ITGBL1: variants seen among roughly 807,000 people sequenced by gnomAD.
The protein encoded by ITGBL1 is integrin subunit beta like 1, also known as integrin beta-like protein 1.
In ITGBL1, 51 loss-of-function variants were observed where a neutral mutation model predicts 68.5. That is an observed-to-expected ratio of 0.74 (90% CI 0.59 to 0.94). The LOEUF (loss-of-function observed/expected upper bound fraction) is 0.94. ITGBL1 is among the 40% of genes least tolerant of loss of function. The pLI is 0.00. For missense variants in ITGBL1, 649 were observed against 647.4 expected, an observed-to-expected ratio of 1.00 and a Z score of -0.03; for synonymous variants, 209 against 227.3, an observed-to-expected ratio of 0.92 and a Z score of 0.72.
rs1174542553 is a variant in ITGBL1, at chr13:101,621,673, A to G, written c.1015+23374A>G. 2.0e-5 allele frequency among the ~76,000 whole-genome samples: 3 copies of G among 152,174 alleles called. 1 individual carries two copies. The highest frequency in any genetic ancestry group is 4.4e-5 in the Non-Finnish European group (3 of 68,034). ...AGACTTTGGAGACAGGAGATTTTTC[A>G]GTCTTAATGCATTGAAATGAAGATA... On this transcript the variant is annotated intron_variant, in intron 7 of 10. Transcript: ENST00000376180.
At chr13:101,572,904 A>T (rs915181241) in intron 3 of ITGBL1, among the ~76,000 whole-genome samples, 1 of 152,084 alleles carries the variant, frequency 6.6e-6, no homozygotes, top group Non-Finnish European at 1.5e-5. Context: ...CATATTATAT[A>T]TGGTTACATG....
intron 2 of ITGBL1, among the ~76,000 whole-genome samples, chr13:101,523,053 C>T (rs1244941969): frequency 6.6e-6 from 1 of 152,122 alleles, no homozygotes; most frequent in Non-Finnish European, 1.5e-5. Context: ...AAAATGCAGA[C>T]AAATGGAAAT....
chr13:101,518,883 T>A (rs35524752), intron 2 of ITGBL1, among the ~76,000 whole-genome samples: 22,913 of 152,140 alleles, frequency 0.15, 2,332 homozygotes, highest in African/African-American at 0.29. Flanking sequence ...TTGAGGAAAC[T>A]GCTCAAATCA....
At chr13:101,555,572 C>T (rs1263066891) in intron 2 of ITGBL1, among the ~76,000 whole-genome samples, 2 of 151,852 alleles carry the variant, frequency 1.3e-5, no homozygotes, top group Non-Finnish European at 2.9e-5. Context: ...GAAGGGGTGG[C>T]GTTTAGGAAT....
chr13:101,624,064 G>T (rs2031686035), intron 7 of ITGBL1, among the ~76,000 whole-genome samples: 1 of 152,288 alleles, frequency 6.6e-6, no homozygotes, highest in Middle Eastern at 3.4e-3. Context: ...AAAGCCACCA[G>T]GATTCCTGGA....
intron 7 of ITGBL1, among the ~76,000 whole-genome samples, chr13:101,616,742 C>T (rs966793713): frequency 6.6e-6 from 1 of 152,168 alleles, no homozygotes; most frequent in Non-Finnish European, 1.5e-5. Context: ...CTACCCACCT[C>T]GACCTCCCAA....
At position 101,572,630 on chromosome 13, in the gene ITGBL1, C is replaced by G. The variant is rs1290140819; in HGVS notation, c.464-2794C>G. On this transcript the variant is annotated intron_variant, in intron 3 of 10. Coordinates refer to ENST00000376180, the MANE Select transcript of ITGBL1 (RefSeq NM_004791.3). ...CAGGAGTCTGGAGCTTTTGCCTGGG[C>G]GTCCATATGCCATGTCTTGGAGGCT... Among the ~76,000 whole-genome samples, 2 of 151,986 alleles carry G rather than the reference C, an allele frequency of 1.3e-5. 1 individual carries two copies. Among genetic ancestry groups the G allele is most frequent in the South Asian group, 4.1e-4 (2 of 4,820 alleles).
intron 7 of ITGBL1, among the ~76,000 whole-genome samples, chr13:101,606,001 TACA>T (rs2030820560): frequency 2.0e-5 from 3 of 146,726 alleles, no homozygotes; most frequent in Admixed American, 1.4e-4. Flanking sequence ...TGTGTATATA[TACA>T]CATATATATG....
At chr13:101,604,877 T>TACAC (rs1298257111) in intron 7 of ITGBL1, among the ~76,000 whole-genome samples, 12 of 21,690 alleles carry the variant, frequency 5.5e-4, no homozygotes, top group Admixed American at 2.1e-3. Flanking sequence ...TATATATATA[T>TACAC]ATATATATAT....
intron 8 of ITGBL1, among the ~76,000 whole-genome samples, chr13:101,693,366 T>C (rs2033925827): frequency 6.6e-6 from 1 of 152,224 alleles, no homozygotes; most frequent in Non-Finnish European, 1.5e-5. Flanking sequence ...GTTTCCAGTA[T>C]AAATGAAGTG....
chr13:101,538,100 A>G (rs141285181), intron 2 of ITGBL1, among the ~76,000 whole-genome samples: 163 of 152,188 alleles, frequency 1.1e-3, no homozygotes, highest in African/African-American at 3.8e-3. Context: ...AATTTCATGT[A>G]TGTAAAACAG....
chr13:101,459,243 G>A (rs1487451867), intron 2 of ITGBL1, among the ~76,000 whole-genome samples: 5 of 152,168 alleles, frequency 3.3e-5, no homozygotes, highest in Non-Finnish European at 1.5e-5. Context: ...TGTCTGAATT[G>A]TTAACGTGGG....
chr13:101,610,228 G>C (rs576691683), intron 7 of ITGBL1, among the ~76,000 whole-genome samples: 1 of 152,222 alleles, frequency 6.6e-6, no homozygotes, highest in Admixed American at 6.5e-5. Flanking sequence ...AGGCAAACCA[G>C]ATACTTTTAT....
chr13:101,506,419 G>A (rs2049027947), intron 2 of ITGBL1, among the ~76,000 whole-genome samples: 1 of 152,130 alleles, frequency 6.6e-6, no homozygotes, highest in Non-Finnish European at 1.5e-5. Context: ...TTAGTAATGG[G>A]GTCTTGATGG....
At chr13:101,593,963 A>G (rs1158031159) in intron 6 of ITGBL1, among the ~76,000 whole-genome samples, 6 of 152,142 alleles carry the variant, frequency 3.9e-5, no homozygotes. Context: ...CATGTGAAAT[A>G]CCCTAATTTG....
intron 2 of ITGBL1, among the ~76,000 whole-genome samples, chr13:101,541,962 C>A (rs917852084): frequency 4.0e-5 from 6 of 151,844 alleles, no homozygotes; most frequent in Admixed American, 1.3e-4. Context: ...CTTTATTAGT[C>A]TTGTTAGCAG....
chr13:101,653,378 T>C (rs1229725528), intron 7 of ITGBL1, among the ~76,000 whole-genome samples: 1 of 152,154 alleles, frequency 6.6e-6, no homozygotes, highest in Non-Finnish European at 1.5e-5. Flanking sequence ...AGATTCATTA[T>C]ATTTAAGAGT....
intron 9 of ITGBL1, among the ~76,000 whole-genome samples, chr13:101,708,373 T>A (rs1442528495): frequency 3.3e-5 from 5 of 152,112 alleles, no homozygotes; most frequent in African/African-American, 7.2e-5. Context: ...GACACACTTT[T>A]TTTTTTCTGA....
At chr13:101,580,201 A>G (rs1192901662) in intron 5 of ITGBL1, among the ~76,000 whole-genome samples, 1 of 152,178 alleles carries the variant, frequency 6.6e-6, no homozygotes, top group Non-Finnish European at 1.5e-5. Flanking sequence ...AAATCTAGAT[A>G]GCTGGAAAAC....
Sources: gnomAD v4.1 joint callset for allele counts (sites outside exome capture counted in the v4.1 genomes callset) on GRCh38, gnomAD v4.1.1 for gene constraint, MANE v1.5 for transcripts, NCBI Gene and HGNC (gene_info 2026-07-23, HGNC 2026-07-21) for gene names.